Variants in NMRK1 observed in about 807,000 individuals in gnomAD.
NMRK1 encodes the protein nicotinamide riboside kinase 1.
A neutral mutation model predicts 29.9 loss-of-function variants in NMRK1; 28 were observed. The ratio of observed to expected loss-of-function variants is 0.94; its 90% confidence interval spans 0.69 to 1.28. The LOEUF is 1.28. NMRK1 is among the 50% of genes most tolerant of loss of function. NMRK1 has a pLI of 0.00. For synonymous variants in NMRK1, 58 were observed against 73.0 expected (o/e 0.79, Z 1.05); for missense variants, 218 against 233.1 (o/e 0.94, Z 0.42).
rs1822972741 is a variant in NMRK1 at position 75,060,729 on chromosome 9, T to C, written c.*819A>G. On this transcript the variant is annotated 3_prime_UTR_variant, in exon 9 of 9. Coordinates refer to ENST00000361092, the MANE Select transcript of NMRK1 (RefSeq NM_017881.3). ...CTGGATTCCACATGATTGAAGTAAT[T>C]GCTTATTTCTGTGATTTTAGACCAC... 6.6e-6 allele frequency: 1 copy of C among 152,146 alleles called. No individual in the cohort carries two copies. Among genetic ancestry groups the C allele is most frequent in the African/African-American group, 2.4e-5 (1 of 41,422 alleles). 9.4% of individuals were successfully genotyped at this position (152,146 alleles called of 1,614,324 possible).
intron 7 of NMRK1, among the ~76,000 whole-genome samples, chr9:75,068,521 C>T (rs1302195253): frequency 1.3e-5 from 2 of 152,308 alleles, no homozygotes; most frequent in Admixed American, 6.5e-5. Context: ...AATCTTCTAT[C>T]TCCCCAACCC....
chr9:75,068,198 C>T (rs1306362744), intron 7 of NMRK1, among the ~76,000 whole-genome samples: 2 of 152,198 alleles, frequency 1.3e-5, no homozygotes, highest in Non-Finnish European at 2.9e-5. Flanking sequence ...TCCAACATCA[C>T]ACCCTATAAA....
At chr9:75,067,955 T>A (rs1823460516) in intron 7 of NMRK1, among the ~76,000 whole-genome samples, 1 of 152,236 alleles carries the variant, frequency 6.6e-6, no homozygotes, top group South Asian at 2.1e-4. Context: ...GAGTGCCCTA[T>A]TCCAGTGATC....
chr9:75,080,579 G>C (rs1445367306), intron 2 of NMRK1, among the ~76,000 whole-genome samples: 2 of 152,194 alleles, frequency 1.3e-5, no homozygotes, highest in African/African-American at 4.8e-5. Flanking sequence ...TTGAACCCAG[G>C]AGGCGGAGGC....
At chr9:75,075,851 T>C (rs1823957276) in intron 4 of NMRK1, among the ~76,000 whole-genome samples, 1 of 151,680 alleles carries the variant, frequency 6.6e-6, no homozygotes, top group African/African-American at 2.4e-5. Flanking sequence ...TGGTTGAGGG[T>C]GGCCAATGTA....
intron 1 of NMRK1, among the ~76,000 whole-genome samples, chr9:75,084,511 G>T (rs909026588): frequency 6.6e-6 from 1 of 152,236 alleles, no homozygotes; most frequent in East Asian, 1.9e-4. Context: ...AATAGCAGCA[G>T]GGCACTGTGG....
intron 6 of NMRK1, 40 bp downstream of exon 6, chr9:75,069,702 G>A: frequency 6.5e-7 from 1 of 1,528,156 alleles, no homozygotes; most frequent in Non-Finnish European, 9.0e-7. Context: ...TACATTTTTT[G>A]TTTTGAATTA....
intron 8 of NMRK1, among the ~76,000 whole-genome samples, chr9:75,063,370 A>C (rs1278402418): frequency 6.6e-6 from 1 of 151,508 alleles, no homozygotes; most frequent in Non-Finnish European, 1.5e-5. Flanking sequence ...AAAATAAATA[A>C]AACAAAAAAT....
At chr9:75,085,730 T>TG (rs1165460029) in intron 1 of NMRK1, among the ~76,000 whole-genome samples, 2 of 128,064 alleles carry the variant, frequency 1.6e-5, no homozygotes, top group Admixed American at 7.7e-5. Flanking sequence ...ATGTAAGTTT[T>TG]TTTTTTTTTT....
At chr9:75,073,118 G>A (rs982492460) in intron 4 of NMRK1, among the ~76,000 whole-genome samples, 2 of 152,200 alleles carry the variant, frequency 1.3e-5, no homozygotes, top group African/African-American at 2.4e-5. Flanking sequence ...CTGGAGTAGG[G>A]TGGGTACCTG....
chr9:75,066,598 C>G (rs1038982697), intron 8 of NMRK1, among the ~76,000 whole-genome samples, 159 bp downstream of exon 8: 1 of 152,070 alleles, frequency 6.6e-6, no homozygotes, highest in South Asian at 2.1e-4. Context: ...CTCCAAACCC[C>G]CCCCCAGAAT....
At chr9:75,062,475 A>G (rs1823079957) in intron 8 of NMRK1, among the ~76,000 whole-genome samples, 1 of 152,158 alleles carries the variant, frequency 6.6e-6, no homozygotes, top group African/African-American at 2.4e-5. Flanking sequence ...CAGTGTACAA[A>G]ACAGAACTCA....
At chr9:75,082,946 C>A in intron 2 of NMRK1, 141 bp downstream of exon 2, 1 of 670,536 alleles carries the variant, frequency 1.5e-6, no homozygotes, top group South Asian at 1.8e-5. Context: ...AGCCAGTGCT[C>A]CACTGATATT....
intron 4 of NMRK1, among the ~76,000 whole-genome samples, chr9:75,074,745 T>C (rs1823896201): frequency 6.6e-6 from 1 of 152,234 alleles, no homozygotes; most frequent in Non-Finnish European, 1.5e-5. Context: ...CTATATTCCA[T>C]TGAAAATGAA....
chr9:75,086,219 A>G (rs1333435950), intron 1 of NMRK1, among the ~76,000 whole-genome samples: 1 of 152,142 alleles, frequency 6.6e-6, no homozygotes, highest in Non-Finnish European at 1.5e-5. Flanking sequence ...CATAAAACCA[A>G]AAACAAAACA....
At chr9:75,081,562 A>T (rs1283219732) in intron 2 of NMRK1, among the ~76,000 whole-genome samples, 2 of 152,208 alleles carry the variant, frequency 1.3e-5, no homozygotes, top group African/African-American at 4.8e-5. Flanking sequence ...ACGGCCCTGT[A>T]TTGGGACATT....
intron 8 of NMRK1, among the ~76,000 whole-genome samples, chr9:75,062,585 T>G (rs1823086584): frequency 6.6e-6 from 1 of 152,186 alleles, no homozygotes; most frequent in Non-Finnish European, 1.5e-5. Flanking sequence ...AAAACAGAGA[T>G]AAGCATGGCT....
chr9:75,060,808 C>G lies in NMRK1; in HGVS notation c.*740G>C, dbSNP rs1371979109. 1 of 148,382 alleles carries G rather than the reference C, an allele frequency of 6.7e-6. No individual in the cohort carries two copies. The highest frequency in any genetic ancestry group is 1.5e-5 in the Non-Finnish European group (1 of 67,188). The allele number at this position is 148,382 out of a possible 1,614,324, so 9.2% of individuals were successfully genotyped here. A position where few individuals can be genotyped will look rare whatever the true frequency, so the allele number is the denominator to read the frequency against. ...AGGGGGGAGAAAGAAACCAGAAACC[C>G]TATTTGTAACAAAGTCTCAACAATG... On this transcript the variant is annotated 3_prime_UTR_variant, in exon 9 of 9. Coordinates refer to ENST00000361092, the MANE Select transcript of NMRK1 (RefSeq NM_017881.3).
intron 7 of NMRK1, 111 bp from the exon 8 acceptor site, chr9:75,066,951 C>A (rs566591097): frequency 7.8e-6 from 5 of 642,366 alleles, no homozygotes; most frequent in Non-Finnish European, 1.4e-5. Flanking sequence ...ACCAAGGCAC[C>A]CAGGACCATA....
Sources: allele counts gnomAD v4.1 joint callset (sites outside exome capture counted in the v4.1 genomes callset), GRCh38; gene constraint gnomAD v4.1.1; transcripts MANE v1.5; gene names NCBI Gene and HGNC (gene_info 2026-07-23, HGNC 2026-07-21).